Variants in TNS1 observed in about 807,000 individuals in gnomAD.
The protein encoded by TNS1 is tensin-1.
Under a neutral mutation model 168.6 loss-of-function variants are expected in TNS1, and 62 were observed. The ratio of observed to expected loss-of-function variants is 0.37; its 90% CI spans 0.30 to 0.45. The LOEUF is 0.45. TNS1 is among the 20% of genes least tolerant of loss of function. The pLI, the probability that TNS1 is intolerant of heterozygous loss-of-function variation, is 1.00. For synonymous variants in TNS1, 934 were observed against 933.2 expected (o/e 1.00, Z -0.02); for missense variants, 2,240 against 2,339.4 (o/e 0.96, Z 0.88).
Position 217,885,027 on chromosome 2 carries a change from G to T in TNS1, c.1246+8C>A, listed in dbSNP as rs777176356. The T allele has an allele frequency of 2.5e-6, 4 of 1,614,126 alleles. No homozygotes were observed. In the South Asian group the frequency reaches 4.4e-5, roughly 18 times the overall value. On this transcript the variant is annotated splice_region_variant and intron_variant, in intron 16 of 32. Transcript: ENST00000682258. ...GTGCCCACCCCCAGCTCCACTCAAG[G>T]AGCGCACCTTTGAAAGCATCATCAA...
At chr2:217,999,111 C>T (rs530776208) in intron 1 of TNS1, among the ~76,000 whole-genome samples, 84 of 152,340 alleles carry the variant, frequency 5.5e-4, no homozygotes, top group Admixed American at 1.2e-3. Flanking sequence ...CAGTCCTCTT[C>T]GCTGACTTAG....
chr2:217,827,478 C>T (rs1004266991), intron 22 of TNS1, among the ~76,000 whole-genome samples: 1 of 152,172 alleles, frequency 6.6e-6, no homozygotes, highest in Non-Finnish European at 1.5e-5. Context: ...AAGGAACTGG[C>T]TGCCCACAGC....
intron 4 of TNS1, among the ~76,000 whole-genome samples, chr2:217,908,469 A>G (rs542217805): frequency 6.6e-6 from 1 of 152,324 alleles, no homozygotes; most frequent in East Asian, 1.9e-4. Flanking sequence ...CCCAGGTTTA[A>G]GACCATGTGT....
intron 1 of TNS1, among the ~76,000 whole-genome samples, chr2:218,031,212 CTG>C (rs1245400051): frequency 4.9e-5 from 6 of 123,640 alleles, no homozygotes; most frequent in African/African-American, 1.9e-4. Context: ...GTGAGTGTGT[CTG>C]TGTGTATGAG....
chr2:218,024,306 C>T (rs1215009477), intron 1 of TNS1, among the ~76,000 whole-genome samples: 3 of 151,892 alleles, frequency 2.0e-5, no homozygotes, highest in African/African-American at 7.3e-5. Flanking sequence ...CCACCCACCC[C>T]CCCATCCCCC....
Position 217,897,848 on chromosome 2 carries a change from G to A in TNS1, c.493C>T (p.Leu165Phe), listed in dbSNP as rs1952484545. ...TTGAGCATCTGCGCCACCTCACGGA[G>A]GTTGCTCCGGAAGTTCTCCTCATTG... ...TANEENFRSN[L>F]REVAQMLKSK... is the part of the protein sequence containing the mutation. The change falls in exon 8 of 33, where the codon CTC (leucine) becomes TTC (phenylalanine). Residue 165 changes from leucine (L) to phenylalanine (F), a missense_variant. By Grantham distance (22) the Leu-to-Phe change is conservative. Transcript: ENST00000682258. 1 of 1,613,082 alleles carries A rather than the reference G, an allele frequency of 6.2e-7. No homozygotes were observed.
intron 1 of TNS1, among the ~76,000 whole-genome samples, chr2:218,026,663 C>T (rs896307067): frequency 6.6e-6 from 1 of 152,244 alleles, no homozygotes; most frequent in Non-Finnish European, 1.5e-5. Context: ...CCCTACCTCC[C>T]TCCAGCCCTT....
chr2:217,963,038 T>G (rs1395206541), intron 3 of TNS1, among the ~76,000 whole-genome samples: 3 of 152,250 alleles, frequency 2.0e-5, no homozygotes, highest in Non-Finnish European at 2.9e-5. Flanking sequence ...AAATTTTGTG[T>G]AAGTTTAATC....
chr2:217,895,399 G>T (rs1053117406), intron 8 of TNS1, among the ~76,000 whole-genome samples: 2 of 152,242 alleles, frequency 1.3e-5, no homozygotes. Context: ...GAGAGAGAGA[G>T]AGATGTAGAC....
At chr2:217,868,649 G>A (rs1334928220) in intron 18 of TNS1, among the ~76,000 whole-genome samples, 3 of 152,254 alleles carry the variant, frequency 2.0e-5, no homozygotes, top group African/African-American at 4.8e-5. Context: ...CTATAAGACA[G>A]GTACTAGCCT....
At chr2:217,837,067 A>T (rs1040251285) in intron 19 of TNS1, among the ~76,000 whole-genome samples, 6 of 151,960 alleles carry the variant, frequency 3.9e-5, no homozygotes, top group Non-Finnish European at 7.4e-5. Context: ...AATCCTAGAA[A>T]ACTCACTTCC....
intron 3 of TNS1, among the ~76,000 whole-genome samples, chr2:217,926,070 G>A (rs1215496112): frequency 6.6e-6 from 1 of 152,138 alleles, no homozygotes; most frequent in African/African-American, 2.4e-5. Context: ...TGGTGTCCTT[G>A]TAAGTAGAGG....
chr2:217,960,774 C>T (rs1957476480), intron 3 of TNS1, among the ~76,000 whole-genome samples: 1 of 152,142 alleles, frequency 6.6e-6, no homozygotes, highest in Non-Finnish European at 1.5e-5. Flanking sequence ...GACAACCCCT[C>T]CTTAGGACAA....
exon 1 of TNS1, chr2:218,010,288 G>A: frequency 5.0e-6 from 2 of 397,914 alleles, no homozygotes; most frequent in Non-Finnish European, 8.9e-6. Flanking sequence ...GGCGGGGTAG[G>A]AAGGCGGGCG....
intron 3 of TNS1, among the ~76,000 whole-genome samples, chr2:217,942,454 C>T (rs1233494277): frequency 6.6e-6 from 1 of 152,228 alleles, no homozygotes; most frequent in East Asian, 1.9e-4. Context: ...CTCCCTTCCA[C>T]AACCCTGGGC....
At chr2:217,911,102 T>TCTCCAC (rs1259792668) in intron 4 of TNS1, among the ~76,000 whole-genome samples, 14 of 152,112 alleles carry the variant, frequency 9.2e-5, no homozygotes, top group African/African-American at 3.4e-4. Flanking sequence ...CCTATGTCTG[T>TCTCCAC]CTCCACCCAC....
At chr2:217,861,979 A>G (rs1948823217) in intron 18 of TNS1, among the ~76,000 whole-genome samples, 1 of 152,256 alleles carries the variant, frequency 6.6e-6, no homozygotes, top group South Asian at 2.1e-4. Context: ...AATGGCCAGC[A>G]TAGAGAAGAG....
chr2:217,808,044 C>T lies in TNS1; in HGVS notation c.5375+31G>A, dbSNP rs772089021. 1.2e-5 allele frequency: 19 copies of T among 1,612,744 alleles called. No homozygotes were observed. The East Asian group carries it at 4.0e-4, about 34-fold the overall frequency. ...CTCACTGTGAAGTACAAAGGCCAGC[C>T]TGCTGGGCAGGGGTAAGAAGTCACA... On this transcript the variant is annotated intron_variant, in intron 32 of 32. Coordinates refer to ENST00000682258, the MANE Select transcript of TNS1 (RefSeq NM_001387777.1).
intron 30 of TNS1, among the ~76,000 whole-genome samples, chr2:217,809,316 CATGG>C (rs1559140067): frequency 2.2e-4 from 5 of 23,236 alleles, no homozygotes; most frequent in Non-Finnish European, 3.2e-4. Flanking sequence ...TGGATGGATG[CATGG>C]ATGGATGGAT....
Sources: gnomAD v4.1 joint callset for allele counts (sites outside exome capture counted in the v4.1 genomes callset) on GRCh38, gnomAD v4.1.1 for gene constraint, MANE v1.5 for transcripts, NCBI Gene and HGNC (gene_info 2026-07-23, HGNC 2026-07-21) for gene names.